The following SRPX2 variants were observed in gnomAD, a reference collection of about 807,000 sequenced individuals.
SRPX2 encodes the protein sushi repeat-containing protein SRPX2.
Under a neutral mutation model 45.3 loss-of-function variants are expected in SRPX2, and 26 were observed. The ratio of observed to expected loss-of-function variants is 0.57; its 90% CI spans 0.42 to 0.80. The LOEUF is 0.80. Among genes scored for constraint, SRPX2 ranks in the 30% least tolerant of loss-of-function variants. The pLI is 0.00. For missense variants in SRPX2, 355 were observed against 399.8 expected (o/e 0.89, Z 0.95); for synonymous variants, 125 against 143.7 (o/e 0.87, Z 0.93).
chrX:100,668,575 C>T (rs2083212628), intron 9 of SRPX2, among the ~76,000 whole-genome samples: 1 of 111,560 alleles, frequency 9.0e-6, no homozygotes, highest in Admixed American at 9.5e-5. Context: ...CTTTAAACCT[C>T]ACCCTGGTAA....
intron 3 of SRPX2, among the ~76,000 whole-genome samples, chrX:100,655,369 C>T (rs1276187469): frequency 1.8e-5 from 2 of 109,139 alleles, no homozygotes; most frequent in Admixed American, 2.0e-4. Flanking sequence ...CACAAAGAAA[C>T]TATTAAAAGT....
At chrX:100,645,346 C>T (rs2083132355) in intron 1 of SRPX2, among the ~76,000 whole-genome samples, 1 of 112,048 alleles carries the variant, frequency 8.9e-6, no homozygotes, top group East Asian at 2.8e-4. Context: ...CTGGGAACCA[C>T]AAAACTCTCG....
intron 6 of SRPX2, 39 bp downstream of exon 6, chrX:100,665,408 G>A (rs372712458): frequency 5.6e-5 from 68 of 1,205,023 alleles, no homozygotes; most frequent in African/African-American, 8.8e-5. Context: ...GCCTTCCCTC[G>A]GCTTCTCTCA....
chrX:100,647,726 A>G (rs2083139920), intron 2 of SRPX2, among the ~76,000 whole-genome samples: 1 of 112,824 alleles, frequency 8.9e-6, no homozygotes, highest in African/African-American at 3.2e-5. Context: ...TACCTTTCCC[A>G]AAACAGAAGC....
chrX:100,667,209 T>G (rs748536003), intron 8 of SRPX2, 65 bp from the exon 9 acceptor site: 2 of 1,202,645 alleles, frequency 1.7e-6, no homozygotes, highest in South Asian at 3.6e-5. Context: ...CTCAAGATGT[T>G]AGGTTACCTA....
chrX:100,647,531 G>A (rs931411211), intron 2 of SRPX2, among the ~76,000 whole-genome samples: 1 of 112,238 alleles, frequency 8.9e-6, no homozygotes, highest in Admixed American at 9.4e-5. Context: ...CCTGTTTGGG[G>A]TTAAAGGTGC....
intron 3 of SRPX2, among the ~76,000 whole-genome samples, chrX:100,655,984 C>T (rs896850810): frequency 9.3e-6 from 1 of 107,507 alleles, no homozygotes; most frequent in Non-Finnish European, 1.9e-5. Flanking sequence ...CTGCCTCCGC[C>T]TCCCAAGTAG....
intron 4 of SRPX2, 61 bp downstream of exon 4, chrX:100,662,428 C>T: frequency 8.6e-7 from 1 of 1,166,247 alleles, no homozygotes; most frequent in Admixed American, 2.2e-5. Context: ...CAGCCAGCTG[C>T]TGAGGGTATA....
chrX:100,667,136 T>C, intron 8 of SRPX2, 138 bp from the exon 9 acceptor site: 1 of 1,067,364 alleles, frequency 9.4e-7, no homozygotes, highest in Non-Finnish European at 1.3e-6. Flanking sequence ...AGTGTTCTTT[T>C]AGGATTTCCC....
intron 10 of SRPX2, among the ~76,000 whole-genome samples, chrX:100,669,901 T>C (rs1421360755): frequency 9.4e-6 from 1 of 106,734 alleles, no homozygotes; most frequent in Non-Finnish European, 1.9e-5. Context: ...GCCTCCCGAG[T>C]AGCTGGGATT....
chrX:100,653,864 T>G (rs1036391653), intron 3 of SRPX2, among the ~76,000 whole-genome samples: 5 of 112,776 alleles, frequency 4.4e-5, no homozygotes, highest in Non-Finnish European at 7.5e-5. Context: ...ATTTCTGTAT[T>G]TGACTGTATT....
Position 100,671,123 on chromosome X carries a change from G to T in SRPX2, c.*136G>T. ...GAGGTGGGTGAGTTTGACAAATCCTGCGGTGTTTCCAGGCATCCTTTTAGG... is the reference window on the plus strand; with the variant it reads ...GAGGTGGGTGAGTTTGACAAATCCTTCGGTGTTTCCAGGCATCCTTTTAGG... On this transcript the variant is annotated 3_prime_UTR_variant, in exon 11 of 11. Transcript: ENST00000373004. 1.4e-6 allele frequency: 1 copy of T among 738,157 alleles called. No homozygotes were observed. Among genetic ancestry groups the T allele is most frequent in the Non-Finnish European group, 2.0e-6 (1 of 494,218 alleles). The allele number at this position is 738,157 out of a possible 1,213,427, so 60.8% of individuals were successfully genotyped here.
chrX:100,654,998 G>T (rs942564424), intron 3 of SRPX2, among the ~76,000 whole-genome samples: 2 of 111,271 alleles, frequency 1.8e-5, no homozygotes, highest in Non-Finnish European at 3.8e-5. Flanking sequence ...AACAGAGAAG[G>T]CCCTTTCAAA....
intron 2 of SRPX2, among the ~76,000 whole-genome samples, chrX:100,648,562 A>AT (rs2147639177): frequency 8.9e-6 from 1 of 112,281 alleles, no homozygotes; most frequent in South Asian, 3.8e-4. Context: ...AAAGAAAAAA[A>AT]ACTCAAAGAT....
At chrX:100,648,384 A>C (rs2083141767) in intron 2 of SRPX2, among the ~76,000 whole-genome samples, 1 of 111,906 alleles carries the variant, frequency 8.9e-6, no homozygotes, top group Non-Finnish European at 1.9e-5. Flanking sequence ...GGAGGAACCC[A>C]GTAACAGACC....
intron 4 of SRPX2, among the ~76,000 whole-genome samples, chrX:100,662,833 A>C (rs1433626368): frequency 8.9e-6 from 1 of 112,089 alleles, no homozygotes; most frequent in East Asian, 2.8e-4. Flanking sequence ...CTAAGTCTAG[A>C]ATGTGAAAGT....
In SRPX2 at chrX:100,664,900, G is replaced by A. The variant is rs1399564672; in HGVS notation, c.482G>A (p.Arg161Gln). Residue 161 changes from arginine to glutamine, a missense_variant, in exon 5 of 11, where the codon CGA becomes CAA. Physicochemically the swap from Arg to Gln is conservative, Grantham distance 43. Transcript: ENST00000373004. ...TACCACCTGGAAGGTGATCGCAGCCGAATCTGCATGGAAGATGGGAGATGG... is the reference window on the plus strand; with the variant it reads ...TACCACCTGGAAGGTGATCGCAGCCAAATCTGCATGGAAGATGGGAGATGG... ...SGYHLEGDRS[R>Q]ICMEDGRWSG... is the part of the protein sequence containing the mutation. The A allele has an allele frequency of 7.4e-6, 9 of 1,209,481 alleles. No individual in the cohort carries two copies. The highest frequency in any genetic ancestry group is 7.8e-6 in the Non-Finnish European group (7 of 895,078).
chrX:100,652,457 T>G (rs1415351949), intron 3 of SRPX2, among the ~76,000 whole-genome samples: 3 of 111,681 alleles, frequency 2.7e-5, no homozygotes, highest in African/African-American at 9.8e-5. Flanking sequence ...ATAGATGGGT[T>G]GTCTGAGGGA....
chrX:100,674,515 A>G lies in SRPX2; in HGVS notation c.*3528A>G, dbSNP rs2147655762. 8.9e-6 allele frequency: 1 copy of G among 112,645 alleles called. No individual in the cohort carries two copies. The highest frequency in any genetic ancestry group is 3.7e-4 in the South Asian group (1 of 2,685). 9.3% of individuals were successfully genotyped at this position (112,645 alleles called of 1,213,427 possible). A position where few individuals can be genotyped will look rare whatever the true frequency, so the allele number is the denominator to read the frequency against. On this transcript the variant is annotated 3_prime_UTR_variant, in exon 11 of 11. Coordinates refer to ENST00000373004, the MANE Select transcript of SRPX2 (RefSeq NM_014467.3). ...GTTTGACAAGTGAGAAAGCTTTATTAAAGCACACATACATGTCAGGGGGGT... is the reference window on the plus strand; with the variant it reads ...GTTTGACAAGTGAGAAAGCTTTATTGAAGCACACATACATGTCAGGGGGGT...
Sources: gnomAD v4.1 joint callset for allele counts (sites outside exome capture counted in the v4.1 genomes callset) on GRCh38, gnomAD v4.1.1 for gene constraint, MANE v1.5 for transcripts, NCBI Gene and HGNC (gene_info 2026-07-23, HGNC 2026-07-21) for gene names.